GALNT10: variants seen among roughly 807,000 people sequenced by gnomAD.
GALNT10 encodes polypeptide N-acetylgalactosaminyltransferase 10.
Under a neutral mutation model 75.0 loss-of-function variants are expected in GALNT10, and 41 were observed. The observed-to-expected ratio is 0.55, with a 90% CI of 0.43 to 0.71. GALNT10 has a LOEUF of 0.71. Ranked by LOEUF, GALNT10 falls within the 30% of genes least tolerant of loss-of-function variation. The pLI, the probability that GALNT10 is intolerant of heterozygous loss-of-function variation, is 0.00. For synonymous variants in GALNT10, 302 were observed against 313.0 expected, an observed-to-expected ratio of 0.96 and a Z score of 0.37; for missense variants, 727 against 818.5, an observed-to-expected ratio of 0.89 and a Z score of 1.36.
chr5:154,310,323 G>T (rs1170904164), intron 3 of GALNT10, among the ~76,000 whole-genome samples: 1 of 152,086 alleles, frequency 6.6e-6, no homozygotes, highest in Non-Finnish European at 1.5e-5. Context: ...TCCCTGTTTT[G>T]GTAGGTTGTT....
At chr5:154,375,242 A>G (rs1251472173) in intron 4 of GALNT10, among the ~76,000 whole-genome samples, 1 of 152,146 alleles carries the variant, frequency 6.6e-6, no homozygotes, top group Non-Finnish European at 1.5e-5. Context: ...TATTGAATAG[A>G]TGTTGTGAAA....
intron 1 of GALNT10, among the ~76,000 whole-genome samples, chr5:154,233,716 G>A (rs1410620802): frequency 1.3e-5 from 2 of 152,212 alleles, no homozygotes; most frequent in Non-Finnish European, 2.9e-5. Context: ...TGGCTGCCAT[G>A]TTTGTGATAC....
At chr5:154,226,792 C>T (rs1452481340) in intron 1 of GALNT10, among the ~76,000 whole-genome samples, 1 of 152,054 alleles carries the variant, frequency 6.6e-6, no homozygotes, top group African/African-American at 2.4e-5. Context: ...ATCCATCATC[C>T]CCTAGAATTT....
At chr5:154,195,595 C>A (rs534494626) in intron 1 of GALNT10, among the ~76,000 whole-genome samples, 1 of 152,310 alleles carries the variant, frequency 6.6e-6, no homozygotes, top group African/African-American at 2.4e-5. Flanking sequence ...CTGCAGAAGT[C>A]ATCTAGTCCA....
intron 1 of GALNT10, among the ~76,000 whole-genome samples, chr5:154,267,788 A>G (rs1042328512): frequency 1.3e-5 from 2 of 152,220 alleles, no homozygotes; most frequent in Non-Finnish European, 2.9e-5. Flanking sequence ...AATTGAAAGT[A>G]CACAATGAAC....
At chr5:154,356,042 G>C in intron 4 of GALNT10, 3 of 434,474 alleles carry the variant, frequency 6.9e-6, no homozygotes, top group South Asian at 5.0e-5. Flanking sequence ...TTTCCTGAAA[G>C]CCTCTGTTTT....
intron 1 of GALNT10, among the ~76,000 whole-genome samples, chr5:154,215,118 A>G (rs1752845207): frequency 6.6e-6 from 1 of 152,210 alleles, no homozygotes; most frequent in African/African-American, 2.4e-5. Flanking sequence ...TTTGAGTTGG[A>G]AGGGAACGTT....
intron 1 of GALNT10, among the ~76,000 whole-genome samples, chr5:154,273,918 C>G (rs955879591): frequency 6.6e-6 from 1 of 152,146 alleles, no homozygotes; most frequent in Admixed American, 6.5e-5. Flanking sequence ...GCCGGGCTCC[C>G]CCTCCGCCTC....
chr5:154,214,426 A>C (rs541583444), intron 1 of GALNT10, among the ~76,000 whole-genome samples: 2 of 152,316 alleles, frequency 1.3e-5, no homozygotes, highest in South Asian at 2.1e-4. Flanking sequence ...AGAAGCAGCG[A>C]GCACTCATCA....
chr5:154,273,643 A>G (rs1329585222), intron 1 of GALNT10, among the ~76,000 whole-genome samples: 1 of 152,194 alleles, frequency 6.6e-6, no homozygotes, highest in East Asian at 1.9e-4. Flanking sequence ...GGTTATCTCT[A>G]GGGGGTGAGA....
chr5:154,248,520 C>T (rs915240629), intron 1 of GALNT10, among the ~76,000 whole-genome samples: 24 of 152,290 alleles, frequency 1.6e-4, no homozygotes, highest in Non-Finnish European at 1.9e-4. Context: ...GATTCAACTT[C>T]TTCCTGGTTT....
chr5:154,268,485 A>G (rs1288678643), intron 1 of GALNT10, among the ~76,000 whole-genome samples: 1 of 152,200 alleles, frequency 6.6e-6, no homozygotes, highest in Non-Finnish European at 1.5e-5. Context: ...CCAAATGACA[A>G]CATTCAAGGG....
At chr5:154,378,235 C>T (rs1459504392) in intron 5 of GALNT10, among the ~76,000 whole-genome samples, 1 of 152,202 alleles carries the variant, frequency 6.6e-6, no homozygotes, top group Admixed American at 6.5e-5. Flanking sequence ...CACTCTGCCT[C>T]CTTTGGAGAA....
intron 7 of GALNT10, among the ~76,000 whole-genome samples, chr5:154,396,489 G>A (rs1582010615): frequency 3.9e-5 from 2 of 51,722 alleles, no homozygotes; most frequent in Admixed American, 4.3e-4. Flanking sequence ...GATAGGGTGG[G>A]TCCAGACCTT....
At chr5:154,279,152 A>G (rs1753998692) in intron 1 of GALNT10, among the ~76,000 whole-genome samples, 1 of 152,140 alleles carries the variant, frequency 6.6e-6, no homozygotes, top group Admixed American at 6.5e-5. Flanking sequence ...ACCATTTTGC[A>G]TGTTTACTAG....
chr5:154,220,324 T>C (rs2113654927), intron 1 of GALNT10: 1 of 152,350 alleles, frequency 6.6e-6, no homozygotes, highest in Admixed American at 6.5e-5. Flanking sequence ...AGAGCCACCA[T>C]GCAGGAACAT....
At chr5:154,282,857 A>G (rs1754058166) in intron 1 of GALNT10, among the ~76,000 whole-genome samples, 1 of 152,244 alleles carries the variant, frequency 6.6e-6, no homozygotes, top group South Asian at 2.1e-4. Context: ...ACAGAAATTG[A>G]TGTCTTCTCA....
At chr5:154,337,746 A>C (rs1367115148) in intron 4 of GALNT10, 3 of 1,217,564 alleles carry the variant, frequency 2.5e-6, no homozygotes, top group Admixed American at 3.4e-5. Context: ...GCTGCCACCA[A>C]AGCCACCACA....
intron 4 of GALNT10, among the ~76,000 whole-genome samples, chr5:154,364,563 C>A (rs1007976801): frequency 2.0e-5 from 3 of 152,140 alleles, no homozygotes; most frequent in East Asian, 1.9e-4. Context: ...AAAGTTCCGA[C>A]ATATGTTCAG....
Sources: allele counts gnomAD v4.1 joint callset (sites outside exome capture counted in the v4.1 genomes callset), GRCh38; gene constraint gnomAD v4.1.1; transcripts MANE v1.5; gene names NCBI Gene and HGNC (gene_info 2026-07-23, HGNC 2026-07-21).